The following WDR17 variants were observed in gnomAD, a reference collection of about 807,000 sequenced individuals.
WDR17 encodes WD repeat domain 17.
A neutral mutation model predicts 161.7 loss-of-function variants in WDR17; 143 were observed. The ratio of observed to expected loss-of-function variants is 0.88; its 90% CI spans 0.77 to 1.02. The LOEUF (loss-of-function observed/expected upper bound fraction) is 1.02. WDR17 is among the 50% of genes least tolerant of loss of function. WDR17 has a pLI of 0.00. For missense variants in WDR17, 1,469 were observed against 1,520.9 expected (o/e 0.97, Z 0.57); for synonymous variants, 517 against 515.6 (o/e 1.00, Z -0.04).
At chr4:176,137,408 TA>T in intron 8 of WDR17, 111 bp from the exon 9 acceptor site, 2 of 743,086 alleles carry the variant, frequency 2.7e-6, no homozygotes, top group Non-Finnish European at 4.4e-6. Flanking sequence ...TATAAAAAAT[TA>T]AAGAACTAGT....
chr4:176,102,427 C>T (rs1264473522), intron 1 of WDR17, among the ~76,000 whole-genome samples: 1 of 152,184 alleles, frequency 6.6e-6, no homozygotes, highest in Non-Finnish European at 1.5e-5. Flanking sequence ...TTATGGAAGA[C>T]AGTTTGATGG....
chr4:176,145,834 T>C (rs1386799725), intron 11 of WDR17, among the ~76,000 whole-genome samples, 161 bp from the exon 12 acceptor site: 2 of 152,232 alleles, frequency 1.3e-5, no homozygotes, highest in Non-Finnish European at 2.9e-5. Context: ...AAATGAGCAG[T>C]AGCGTGATTA....
In WDR17 at chr4:176,119,796, G is replaced by A. The variant is rs988188674; in HGVS notation, c.308-71G>A. 37 of 1,310,906 alleles carry A rather than the reference G, an allele frequency of 2.8e-5. No individual in the cohort carries two copies. In the Middle Eastern group the frequency reaches 9.3e-4, roughly 33 times the overall value. 81.2% of individuals were successfully genotyped at this position (1,310,906 alleles called of 1,614,324 possible). ...ATAATTTGTTTTAGAAATGTAAACA[G>A]GGCAAGTAATATTTAATGGTGTAAT... On this transcript the variant is annotated intron_variant, in intron 3 of 28. Coordinates refer to ENST00000508596, the MANE Select transcript of WDR17 (RefSeq NM_181265.4).
At chr4:176,150,320 A>G in intron 15 of WDR17, 147 bp downstream of exon 15, 4 of 1,448,856 alleles carry the variant, frequency 2.8e-6, no homozygotes, top group Non-Finnish European at 3.7e-6. Flanking sequence ...AAGCAAATGT[A>G]AAACTAGAAA....
chr4:176,120,371 T>C (rs891582113), intron 4 of WDR17, among the ~76,000 whole-genome samples: 3 of 149,602 alleles, frequency 2.0e-5, no homozygotes, highest in Admixed American at 6.7e-5. Context: ...CCTAAATCAG[T>C]CATTTTTCCC....
intron 23 of WDR17, among the ~76,000 whole-genome samples, chr4:176,171,518 T>G (rs557423478): frequency 2.6e-5 from 4 of 152,286 alleles, no homozygotes; most frequent in South Asian, 2.1e-4. Flanking sequence ...GAGATTGAGA[T>G]GTAAAATGTT....
chr4:176,178,743 C>G (rs1422827021), intron 28 of WDR17, among the ~76,000 whole-genome samples: 2 of 152,188 alleles, frequency 1.3e-5, no homozygotes, highest in African/African-American at 4.8e-5. Context: ...AATTTGCTAA[C>G]AACAAGTTGT....
At chr4:176,102,551 T>G (rs1441198853) in intron 1 of WDR17, among the ~76,000 whole-genome samples, 1 of 152,232 alleles carries the variant, frequency 6.6e-6, no homozygotes, top group Admixed American at 6.5e-5. Flanking sequence ...CATGGATGTT[T>G]ATAGCAGCTT....
chr4:176,124,134 A>C (rs989309403), intron 4 of WDR17, among the ~76,000 whole-genome samples: 1 of 152,118 alleles, frequency 6.6e-6, no homozygotes, highest in African/African-American at 2.4e-5. Context: ...TTATCTTTCA[A>C]TTGTGCTTTT....
At chr4:176,138,002 GA>G (rs141271670) in intron 9 of WDR17, among the ~76,000 whole-genome samples, 3,800 of 151,682 alleles carry the variant, frequency 0.025, 149 homozygotes, top group African/African-American at 0.086. Context: ...GTTGAAGGTG[GA>G]TTATATAGTT....
At chr4:176,138,806 A>G (rs1178307702) in intron 9 of WDR17, among the ~76,000 whole-genome samples, 1 of 151,840 alleles carries the variant, frequency 6.6e-6, no homozygotes, top group Non-Finnish European at 1.5e-5. Flanking sequence ...CATGTCTTGT[A>G]TTTCTTTATG....
At chr4:176,109,629 A>T (rs1398704070) in intron 1 of WDR17, among the ~76,000 whole-genome samples, 2 of 152,230 alleles carry the variant, frequency 1.3e-5, no homozygotes, top group African/African-American at 4.8e-5. Flanking sequence ...AATAGAAAAG[A>T]TAAAATGAAG....
rs182536731 is a variant in WDR17, at chr4:176,181,300, C to G, written c.*1721C>G. The G allele has an allele frequency of 2.2e-3, 339 of 154,454 alleles. 1 individual carries two copies. Among genetic ancestry groups the G allele is most frequent in the Middle Eastern group, 6.6e-3 (2 of 302 alleles). The allele number at this position is 154,454 out of a possible 1,614,324, so 9.6% of individuals were successfully genotyped here. Reference sequence around the variant, plus strand: ...TGGCCAACATGGTGAAACCCTGTCTCTACTAAAAATACAAAAATTAGCTGG... The same window carrying G: ...TGGCCAACATGGTGAAACCCTGTCTGTACTAAAAATACAAAAATTAGCTGG... On this transcript the variant is annotated 3_prime_UTR_variant, in exon 29 of 29. Coordinates refer to ENST00000508596, the MANE Select transcript of WDR17 (RefSeq NM_181265.4).
chr4:176,136,421 A>C (rs1450265201), intron 8 of WDR17, among the ~76,000 whole-genome samples: 2 of 151,684 alleles, frequency 1.3e-5, no homozygotes, highest in Non-Finnish European at 3.0e-5. Context: ...TGAAACATAA[A>C]ACATAAATAA....
At chr4:176,121,771 T>C (rs1741623441) in intron 4 of WDR17, among the ~76,000 whole-genome samples, 2 of 152,210 alleles carry the variant, frequency 1.3e-5, no homozygotes, top group African/African-American at 4.8e-5. Flanking sequence ...CATGCTTATT[T>C]TGACATAGAA....
chr4:176,169,730 G>C (rs1579255578), intron 23 of WDR17, among the ~76,000 whole-genome samples: 1 of 152,166 alleles, frequency 6.6e-6, no homozygotes, highest in Non-Finnish European at 1.5e-5. Flanking sequence ...TTGGCCAAAA[G>C]TGTGTGTGAA....
rs1014393750 is a variant in WDR17 at position 176,148,158 on chromosome 4, C to G, written c.1720C>G (p.Gln574Glu). The change falls in exon 13 of 29, where the codon CAG (glutamine) becomes GAG (glutamate). Residue 574 changes from glutamine (Q) to glutamate (E), a missense_variant. Coordinates refer to ENST00000508596, the MANE Select transcript of WDR17 (RefSeq NM_181265.4). Reference sequence around the variant, plus strand: ...TACCGTTCGAATCTGGGATTATACTCAGGATGCTTGCATCAATATTCTTAA... The same window carrying G: ...TACCGTTCGAATCTGGGATTATACTGAGGATGCTTGCATCAATATTCTTAA... ...DGTVRIWDYT[Q>E]DACINILNGH... 1.2e-6 allele frequency: 2 copies of G among 1,613,790 alleles called. No individual in the cohort carries two copies. Among genetic ancestry groups the G allele is most frequent in the African/African-American group, 2.7e-5 (2 of 74,890 alleles).
intron 1 of WDR17, among the ~76,000 whole-genome samples, chr4:176,087,854 ATT>A (rs541565908): frequency 6.7e-6 from 1 of 148,270 alleles, no homozygotes; most frequent in African/African-American, 2.5e-5. Context: ...TAATCAATTA[ATT>A]TTTTTTTTTG....
At chr4:176,172,216 A>G (rs1750835596) in intron 23 of WDR17, 159 bp from the exon 24 acceptor site, 1 of 647,520 alleles carries the variant, frequency 1.5e-6, no homozygotes, top group African/African-American at 1.9e-5. Flanking sequence ...GTATTTCCAT[A>G]AATATATTCT....
Sources: allele counts gnomAD v4.1 joint callset (sites outside exome capture counted in the v4.1 genomes callset), GRCh38; gene constraint gnomAD v4.1.1; transcripts MANE v1.5; gene names NCBI Gene and HGNC (gene_info 2026-07-23, HGNC 2026-07-21).